SEMA6A: variants seen among roughly 807,000 people sequenced by gnomAD.
SEMA6A encodes the protein semaphorin 6A.
SEMA6A carries 25 observed loss-of-function variants against 96.8 expected under a neutral mutation model. That is an observed-to-expected ratio of 0.26 (90% CI 0.19 to 0.36). SEMA6A has a LOEUF of 0.36. Among genes scored for constraint, SEMA6A ranks in the 10% least tolerant of loss-of-function variants. The pLI is 1.00. For synonymous variants in SEMA6A, 612 were observed against 518.0 expected, an observed-to-expected ratio of 1.18 and a Z score of -2.46; for missense variants, 1,363 against 1,323.1, an observed-to-expected ratio of 1.03 and a Z score of -0.47.
At chr5:116,572,308 AAAAG>A (rs747515664) in intron 1 of SEMA6A, among the ~76,000 whole-genome samples, 1 of 152,194 alleles carries the variant, frequency 6.6e-6, no homozygotes, top group Non-Finnish European at 1.5e-5. Flanking sequence ...TGAGCGTAAA[AAAAG>A]GAGCGATCCC....
At chr5:116,472,854 TTA>T in intron 17 of SEMA6A, 5 of 1,376,028 alleles carry the variant, frequency 3.6e-6, no homozygotes, top group South Asian at 1.4e-5. Context: ...CTTCACGAAT[TTA>T]AAAAAAAAAA....
At chr5:116,574,059 G>A (rs535322610) in intron 1 of SEMA6A, 126 bp downstream of exon 1, 2 of 152,556 alleles carry the variant, frequency 1.3e-5, no homozygotes, top group Admixed American at 6.5e-5. Context: ...GGGAAACAGA[G>A]ACACAAGACA....
chr5:116,521,112 G>A (rs1758928816), intron 1 of SEMA6A, among the ~76,000 whole-genome samples: 1 of 152,196 alleles, frequency 6.6e-6, no homozygotes, highest in South Asian at 2.1e-4. Flanking sequence ...AGAACCTAAT[G>A]AACATCATGG....
intron 1 of SEMA6A, among the ~76,000 whole-genome samples, chr5:116,569,453 G>A (rs1053651248): frequency 2.0e-5 from 3 of 152,272 alleles, no homozygotes; most frequent in East Asian, 1.9e-4. Flanking sequence ...GAAGGACTTT[G>A]GCTTTTATTG....
At chr5:116,519,687 A>ACG (rs1554089708) in intron 1 of SEMA6A, among the ~76,000 whole-genome samples, 1 of 150,110 alleles carries the variant, frequency 6.7e-6, no homozygotes, top group African/African-American at 2.5e-5. Context: ...ACACACACAC[A>ACG]CACACGCACA....
At position 116,449,226 on chromosome 5, in the gene SEMA6A, AAG is replaced by A. The variant is rs1441328930; in HGVS notation, c.1895-1417_1895-1416del. On this transcript the variant is annotated intron_variant, in intron 18 of 18. Transcript: ENST00000343348. ...CTCAATTCCTGCCTCTGGAGAGTGA[AAG>A]AACATGAATACATTAGAGGCACTGC... 9.5e-5 allele frequency: 64 copies of A among 673,152 alleles called. No homozygotes were observed. In the African/African-American group the frequency reaches 1.1e-3, roughly 11 times the overall value. 41.7% of individuals were successfully genotyped at this position (673,152 alleles called of 1,614,324 possible).
At chr5:116,499,170 G>A (rs1007873038) in intron 3 of SEMA6A, 4 of 152,126 alleles carry the variant, frequency 2.6e-5, no homozygotes, top group African/African-American at 9.7e-5. Flanking sequence ...TTTGGACAAT[G>A]ACAATCTTTT....
intron 1 of SEMA6A, among the ~76,000 whole-genome samples, chr5:116,558,949 T>C (rs1760706779): frequency 6.6e-6 from 1 of 152,194 alleles, no homozygotes; most frequent in South Asian, 2.1e-4. Flanking sequence ...TTAAAAACTT[T>C]CATAAAGTAA....
At chr5:116,552,918 C>T (rs983344012) in intron 1 of SEMA6A, among the ~76,000 whole-genome samples, 4 of 152,080 alleles carry the variant, frequency 2.6e-5, no homozygotes, top group East Asian at 1.9e-4. Context: ...CTAATGATGG[C>T]GATCCTGTCT....
chr5:116,507,923 C>A (rs1399107146), intron 1 of SEMA6A: 1 of 152,136 alleles, frequency 6.6e-6, no homozygotes, highest in East Asian at 1.9e-4. Flanking sequence ...ACCTTAAGAA[C>A]ATTCTTCATT....
At chr5:116,540,481 C>G (rs576756580) in intron 1 of SEMA6A, among the ~76,000 whole-genome samples, 74 of 152,328 alleles carry the variant, frequency 4.9e-4, no homozygotes, top group African/African-American at 1.8e-3. Flanking sequence ...GCTTCAGTTT[C>G]TGGCCATTCC....
chr5:116,514,834 G>A (rs1758591068), intron 1 of SEMA6A, among the ~76,000 whole-genome samples: 1 of 152,166 alleles, frequency 6.6e-6, no homozygotes, highest in African/African-American at 2.4e-5. Flanking sequence ...AGATAGAGAT[G>A]GAAACAGCCC....
chr5:116,454,033 T>G (rs1963859), intron 18 of SEMA6A, among the ~76,000 whole-genome samples: 3,028 of 152,254 alleles, frequency 0.02, 100 homozygotes, highest in African/African-American at 0.068. Context: ...GTGTGCACTT[T>G]CCCCTCTCAC....
intron 1 of SEMA6A, among the ~76,000 whole-genome samples, chr5:116,548,517 TATG>T (rs1447852734): frequency 6.6e-6 from 1 of 152,176 alleles, no homozygotes; most frequent in African/African-American, 2.4e-5. Context: ...TTTCTCAACT[TATG>T]GTGTATAAAT....
chr5:116,475,680 T>A, intron 15 of SEMA6A, 77 bp from the exon 16 acceptor site: 1 of 1,020,204 alleles, frequency 9.8e-7, no homozygotes. Flanking sequence ...CAAGCTTCAC[T>A]AAAGACAGTA....
At chr5:116,574,086 C>G (rs964033733) in intron 1 of SEMA6A, 99 bp downstream of exon 1, 9 of 152,520 alleles carry the variant, frequency 5.9e-5, no homozygotes, top group African/African-American at 2.2e-4. Context: ...AACGCAGGCA[C>G]CACAAAGCCG....
chr5:116,446,616 T>A lies in SEMA6A; in HGVS notation c.3090A>T (p.Thr1030=). The change falls in exon 19 of 19, where the codon ACA becomes ACT. Residue 1030 remains threonine, a synonymous_variant. Coordinates refer to ENST00000343348, the MANE Select transcript of SEMA6A (RefSeq NM_020796.5). The part of the protein sequence containing the change: ...STSMKPNDAC[T] ...ACCTGACCCCCTCCCCCTGGGATTA[T>A]GTACACGCATCATTGGGCTTCATGG... The A allele has an allele frequency of 6.7e-7, 1 of 1,487,048 alleles. No individual in the cohort carries two copies. Among genetic ancestry groups the A allele is most frequent in the South Asian group, 1.4e-5 (1 of 70,824 alleles). The allele number at this position is 1,487,048 out of a possible 1,614,324, so 92.1% of individuals were successfully genotyped here.
At chr5:116,531,024 CAG>C (rs1279995220) in intron 1 of SEMA6A, among the ~76,000 whole-genome samples, 1 of 152,126 alleles carries the variant, frequency 6.6e-6, no homozygotes, top group Non-Finnish European at 1.5e-5. Flanking sequence ...AGTTGGGGAA[CAG>C]GGATTTGAAC....
intron 1 of SEMA6A, among the ~76,000 whole-genome samples, chr5:116,561,553 T>A (rs1411102803): frequency 2.0e-5 from 3 of 152,268 alleles, no homozygotes; most frequent in Admixed American, 2.0e-4. Context: ...TGCATTGTCC[T>A]ATTCGTACAT....
Sources: allele counts gnomAD v4.1 joint callset (sites outside exome capture counted in the v4.1 genomes callset), GRCh38; gene constraint gnomAD v4.1.1; transcripts MANE v1.5; gene names NCBI Gene and HGNC (gene_info 2026-07-23, HGNC 2026-07-21).